The following SYT13 variants were observed in gnomAD, a reference collection of about 807,000 sequenced individuals.
SYT13 encodes the protein synaptotagmin 13, also known as synaptotagmin-13.
In SYT13, 21 loss-of-function variants were observed where a neutral mutation model predicts 38.6. The observed-to-expected ratio is 0.54, with a 90% confidence interval of 0.39 to 0.78. The LOEUF (loss-of-function observed/expected upper bound fraction) is 0.78. Among genes scored for constraint, SYT13 ranks in the 30% least tolerant of loss-of-function variants. The pLI is 0.00. For missense variants in SYT13, 495 were observed against 548.7 expected (o/e 0.90, Z 0.98); for synonymous variants, 241 against 237.6 (o/e 1.01, Z -0.13).
rs1182941388 is a variant in SYT13, at chr11:45,240,883, G to A, written c.*3169C>T. On this transcript the variant is annotated 3_prime_UTR_variant, in exon 6 of 6. Coordinates refer to ENST00000020926, the MANE Select transcript of SYT13 (RefSeq NM_020826.3). The stretch of plus-strand genomic sequence containing the variant: ...TGGCATCACACAAGGTGTTCCTTTC[G>A]AAAATGATGAGATACTTCACACAGG... The A allele has an allele frequency of 1.3e-5, 2 of 152,160 alleles. No homozygotes were observed. Among genetic ancestry groups the A allele is most frequent in the African/African-American group, 4.8e-5 (2 of 41,436 alleles). The allele number at this position is 152,160 out of a possible 1,614,324, so 9.4% of individuals were successfully genotyped here.
At chr11:45,248,911 G>A (rs975575597) in intron 4 of SYT13, among the ~76,000 whole-genome samples, 2 of 152,234 alleles carry the variant, frequency 1.3e-5, no homozygotes, top group African/African-American at 4.8e-5. Context: ...GAAAGTACCT[G>A]CAGACTAAAG....
At position 45,283,582 on chromosome 11, in the gene SYT13, A is replaced by G. The variant is rs1211300165; in HGVS notation, c.183+2443T>C. Among the ~76,000 whole-genome samples the G allele has an allele frequency of 2.6e-5, 4 of 152,360 alleles. No homozygotes were observed. In the East Asian group the frequency reaches 7.7e-4, roughly 29 times the overall value. On this transcript the variant is annotated intron_variant, in intron 1 of 5. Coordinates refer to ENST00000020926, the MANE Select transcript of SYT13 (RefSeq NM_020826.3). ...CTGAATGAATCTGAGAACAACAGCA[A>G]CCAAGTCATTGTGAGATCTCAGCTT...
At chr11:45,284,065 A>T (rs1485810869) in intron 1 of SYT13, among the ~76,000 whole-genome samples, 1 of 152,230 alleles carries the variant, frequency 6.6e-6, no homozygotes, top group Admixed American at 6.5e-5. Flanking sequence ...AGAAGGAGCC[A>T]TTTGTATGAA....
intron 1 of SYT13, among the ~76,000 whole-genome samples, chr11:45,279,239 A>G (rs1385161302): frequency 6.6e-6 from 1 of 152,248 alleles, no homozygotes; most frequent in African/African-American, 2.4e-5. Flanking sequence ...CTGCAAAATG[A>G]AAAATAATAA....
intron 1 of SYT13, among the ~76,000 whole-genome samples, chr11:45,265,357 G>A (rs575808693): frequency 8.9e-4 from 135 of 152,378 alleles, no homozygotes; most frequent in African/African-American, 3.2e-3. Flanking sequence ...ACTGGAGGCA[G>A]TGGAGCTGCT....
intron 1 of SYT13, chr11:45,269,309 A>T: frequency 1.7e-6 from 1 of 584,482 alleles, no homozygotes; most frequent in South Asian, 2.3e-5. Context: ...ACTAAATTTT[A>T]AAACAATTAT....
intron 1 of SYT13, among the ~76,000 whole-genome samples, chr11:45,260,829 C>T (rs181528141): frequency 2.6e-5 from 4 of 152,160 alleles, no homozygotes; most frequent in Admixed American, 6.5e-5. Flanking sequence ...CTTGCTCCCC[C>T]CACTGTGTCC....
intron 1 of SYT13, among the ~76,000 whole-genome samples, chr11:45,258,067 G>T (rs1854769900): frequency 6.6e-6 from 1 of 152,302 alleles, no homozygotes; most frequent in South Asian, 2.1e-4. Context: ...GCACGCATAG[G>T]CTCTAAAAGC....
At chr11:45,270,434 AG>A (rs1854935853) in intron 1 of SYT13, among the ~76,000 whole-genome samples, 1 of 152,202 alleles carries the variant, frequency 6.6e-6, no homozygotes. Flanking sequence ...GTTCTTTCAG[AG>A]AAGCTATAGG....
chr11:45,260,208 C>G (rs1481803995), intron 1 of SYT13, among the ~76,000 whole-genome samples: 1 of 152,192 alleles, frequency 6.6e-6, no homozygotes, highest in East Asian at 1.9e-4. Flanking sequence ...CTGGCTTTAG[C>G]TGGGAATGAC....
rs373457325 is a variant in SYT13 at position 45,277,081 on chromosome 11, A to G, written c.183+8944T>C. ...ATTTTTCAGCCATAAAAAATAAAGT[A>G]CTGATACATTCTATGATGTGGATGA... On this transcript the variant is annotated intron_variant, in intron 1 of 5. Transcript: ENST00000020926. Among the ~76,000 whole-genome samples the G allele has an allele frequency of 5.3e-5, 8 of 152,346 alleles. No homozygotes were observed. In the South Asian group the frequency reaches 8.3e-4, roughly 16 times the overall value.
At chr11:45,276,638 GT>G (rs909996671) in intron 1 of SYT13, among the ~76,000 whole-genome samples, 10 of 149,258 alleles carry the variant, frequency 6.7e-5, no homozygotes, top group African/African-American at 9.9e-5. Context: ...AGAATTTGGG[GT>G]TTTTTTTTAG....
chr11:45,244,086 C>A lies in SYT13; in HGVS notation c.1247G>T (p.Arg416Leu). ...CAGCTGGTGCCACATGGCAATCTGC[C>A]GGCGAGGGTTTTTGAGCATCTCCTC... ...HWEEMLKNPR[R>L]QIAMWHQLHL The change falls in exon 6 of 6, where the codon CGG becomes CTG. Residue 416 changes from arginine to leucine, a missense_variant. Transcript: ENST00000020926. The A allele has an allele frequency of 6.8e-6, 11 of 1,608,312 alleles. No individual in the cohort carries two copies. The highest frequency in any genetic ancestry group is 9.3e-6 in the Non-Finnish European group (11 of 1,178,668).
In SYT13 at chr11:45,265,555, G is replaced by A. The variant is rs145331518; in HGVS notation, c.184-9664C>T. Among the ~76,000 whole-genome samples the A allele has an allele frequency of 5.4e-3, 829 of 152,302 alleles. 2 individuals are homozygous for A. Among genetic ancestry groups the A allele is most frequent in the Middle Eastern group, 0.01 (3 of 294 alleles). ...CTGGAAGTCCAAGATCAATGAGCTG[G>A]TGAATCTGGTATCTGGGGAAAGCCC... On this transcript the variant is annotated intron_variant, in intron 1 of 5. Coordinates refer to ENST00000020926, the MANE Select transcript of SYT13 (RefSeq NM_020826.3).
intron 1 of SYT13, among the ~76,000 whole-genome samples, chr11:45,272,872 G>C (rs1729570944): frequency 6.6e-6 from 1 of 152,184 alleles, no homozygotes; most frequent in Admixed American, 6.5e-5. Flanking sequence ...ATGGGAAAAC[G>C]AAAGTGGCTT....
chr11:45,282,708 T>C (rs891758086), intron 1 of SYT13, among the ~76,000 whole-genome samples: 2 of 152,198 alleles, frequency 1.3e-5, no homozygotes, highest in Admixed American at 6.5e-5. Flanking sequence ...TACGCTATGG[T>C]TTTTGTTGCT....
chr11:45,254,301 C>G lies in SYT13; in HGVS notation c.513G>C (p.Gln171His). 6.2e-7 allele frequency: 1 copy of G among 1,613,214 alleles called. No individual in the cohort carries two copies. The highest frequency in any genetic ancestry group is 1.6e-4 in the Middle Eastern group (1 of 6,062). ...GGCGAGTCACAAACAATTCTGCCTTCTGACAGTCATAGTCCAGGCAGTAGT... is the reference window on the plus strand; with the variant it reads ...GGCGAGTCACAAACAATTCTGCCTTGTGACAGTCATAGTCCAGGCAGTAGT... Reference protein sequence around the residue: ...KLHYCLDYDCQKAELFVTRLE... With the variant: ...KLHYCLDYDCHKAELFVTRLE... Residue 171 changes from glutamine (Q) to histidine (H), a missense_variant, in exon 3 of 6, where the codon CAG (glutamine) becomes CAC (histidine). Gln to His is a conservative substitution (Grantham distance 24). Coordinates refer to ENST00000020926, the MANE Select transcript of SYT13 (RefSeq NM_020826.3).
At chr11:45,257,442 C>G (rs961989860) in intron 1 of SYT13, among the ~76,000 whole-genome samples, 2 of 152,172 alleles carry the variant, frequency 1.3e-5, no homozygotes, top group Non-Finnish European at 2.9e-5. Context: ...GCCCTCCATG[C>G]TAGCCCTCCT....
intron 1 of SYT13, among the ~76,000 whole-genome samples, chr11:45,285,490 C>A (rs1396001436): frequency 1.3e-5 from 2 of 152,138 alleles, no homozygotes; most frequent in Non-Finnish European, 2.9e-5. Context: ...CCAGCTCCTG[C>A]GGGACCGCGG....
Sources: allele counts gnomAD v4.1 joint callset (sites outside exome capture counted in the v4.1 genomes callset), GRCh38; gene constraint gnomAD v4.1.1; transcripts MANE v1.5; gene names NCBI Gene and HGNC (gene_info 2026-07-23, HGNC 2026-07-21).